SETBP1: variants seen among roughly 807,000 people sequenced by gnomAD.
SETBP1 encodes SET binding protein 1.
Under a neutral mutation model 101.0 loss-of-function variants are expected in SETBP1, and 9 were observed. The observed-to-expected ratio is 0.09, with a 90% confidence interval of 0.05 to 0.16. The LOEUF is 0.16. Ranked by LOEUF, SETBP1 falls within the 10% of genes least tolerant of loss-of-function variation. The pLI, the probability that SETBP1 is intolerant of heterozygous loss-of-function variation, is 1.00. For synonymous variants in SETBP1, 818 were observed against 788.5 expected (o/e 1.04, Z -0.63); for missense variants, 1,858 against 2,033.8 (o/e 0.91, Z 1.66).
chr18:44,887,002 G>C (rs2069664460), intron 3 of SETBP1, among the ~76,000 whole-genome samples: 1 of 152,072 alleles, frequency 6.6e-6, no homozygotes, highest in Non-Finnish European at 1.5e-5. Flanking sequence ...GTAAATTAGT[G>C]AGTAGTGTCA....
intron 3 of SETBP1, among the ~76,000 whole-genome samples, chr18:44,881,188 C>A (rs2069522519): frequency 6.6e-6 from 1 of 152,168 alleles, no homozygotes; most frequent in Admixed American, 6.5e-5. Flanking sequence ...ACTTGTCACT[C>A]ACCATGATTT....
intron 2 of SETBP1, among the ~76,000 whole-genome samples, chr18:44,735,392 G>T (rs1417604106): frequency 6.6e-6 from 1 of 152,164 alleles, no homozygotes; most frequent in African/African-American, 2.4e-5. Context: ...CTTGTAGTTA[G>T]AGATCTGAAC....
chr18:45,043,741 C>T (rs553699717), intron 5 of SETBP1, among the ~76,000 whole-genome samples: 3 of 152,130 alleles, frequency 2.0e-5, no homozygotes, highest in Non-Finnish European at 2.9e-5. Context: ...AGCCATCAGT[C>T]GAATCAGAAC....
At chr18:44,877,458 T>A in intron 3 of SETBP1, 1 of 818,934 alleles carries the variant, frequency 1.2e-6, no homozygotes, top group Non-Finnish European at 1.5e-6. Flanking sequence ...ATGTGAATAT[T>A]TGTAATAGGA....
At chr18:44,997,547 T>G (rs992213850) in intron 4 of SETBP1, among the ~76,000 whole-genome samples, 2 of 152,208 alleles carry the variant, frequency 1.3e-5, no homozygotes, top group African/African-American at 4.8e-5. Context: ...ATTCTTGAGA[T>G]CTAAAGATCG....
At chr18:44,876,847 T>G in intron 3 of SETBP1, 2 of 1,424,730 alleles carry the variant, frequency 1.4e-6, no homozygotes, top group Non-Finnish European at 1.8e-6. Context: ...AACTAGTGAG[T>G]GACAGCATTT....
chr18:44,972,321 C>G (rs1164066360), intron 4 of SETBP1, among the ~76,000 whole-genome samples: 1 of 152,112 alleles, frequency 6.6e-6, no homozygotes, highest in Non-Finnish European at 1.5e-5. Flanking sequence ...ATGCCTCCAG[C>G]TTTGTTCTTT....
chr18:44,837,184 G>C (rs1199090264), intron 2 of SETBP1, among the ~76,000 whole-genome samples: 1 of 152,168 alleles, frequency 6.6e-6, no homozygotes, highest in East Asian at 1.9e-4. Flanking sequence ...TCTTTGCTAT[G>C]CACTCCTTTT....
chr18:44,854,758 T>C lies in SETBP1; in HGVS notation c.487-14472T>C, dbSNP rs117729367. Among the ~76,000 whole-genome samples, 181 of 152,314 alleles carry C rather than the reference T, an allele frequency of 1.2e-3. 1 individual carries two copies. In the East Asian group the frequency reaches 0.032, roughly 27 times the overall value. On this transcript the variant is annotated intron_variant, in intron 2 of 5. Coordinates refer to ENST00000649279, the MANE Select transcript of SETBP1 (RefSeq NM_015559.3). The stretch of plus-strand genomic sequence containing the variant: ...CACTTTTTTTCAGTGTATCTCAAAT[T>C]GTGCCCCACATTGGTTTTTCTCCTC...
chr18:44,971,851 C>A (rs1239593160), intron 4 of SETBP1, among the ~76,000 whole-genome samples: 2 of 152,106 alleles, frequency 1.3e-5, no homozygotes, highest in Non-Finnish European at 2.9e-5. Context: ...ATGGTAGTTT[C>A]TTTTGCTGTG....
intron 2 of SETBP1, among the ~76,000 whole-genome samples, chr18:44,737,071 T>C (rs1370659410): frequency 2.0e-5 from 3 of 152,232 alleles, no homozygotes; most frequent in African/African-American, 7.2e-5. Flanking sequence ...ATGAATGATA[T>C]TGAGGTCTAA....
intron 4 of SETBP1, among the ~76,000 whole-genome samples, chr18:45,000,105 G>T (rs955845306): frequency 1.3e-5 from 2 of 152,206 alleles, no homozygotes; most frequent in Non-Finnish European, 2.9e-5. Flanking sequence ...CTCCTCATTG[G>T]CATGAATGCC....
At chr18:44,712,933 A>T (rs147701641) in intron 2 of SETBP1, among the ~76,000 whole-genome samples, 1 of 146,420 alleles carries the variant, frequency 6.8e-6, no homozygotes, top group Admixed American at 6.9e-5. Context: ...GCCTCTGAGC[A>T]TTTCTCTTTC....
Position 44,762,661 on chromosome 18 carries a change from C to T in SETBP1, c.486+60829C>T, listed in dbSNP as rs2070680509. The stretch of plus-strand genomic sequence containing the variant: ...AGGCTGGGAATGTGGGAGTGGTACC[C>T]AGGGAAGGAAAGGCAATGCAAGCCC... On this transcript the variant is annotated intron_variant, in intron 2 of 5. Coordinates refer to ENST00000649279, the MANE Select transcript of SETBP1 (RefSeq NM_015559.3). Among the ~76,000 whole-genome samples, 10 of 152,254 alleles carry T rather than the reference C, an allele frequency of 6.6e-5. 1 individual carries two copies. In the South Asian group the frequency reaches 2.1e-3, roughly 32 times the overall value.
At chr18:44,746,189 G>A (rs1427839842) in intron 2 of SETBP1, among the ~76,000 whole-genome samples, 4 of 152,198 alleles carry the variant, frequency 2.6e-5, no homozygotes, top group African/African-American at 9.7e-5. Flanking sequence ...AGATGACAGA[G>A]GTGGAAAGGG....
chr18:44,885,853 AAAAC>A (rs1207619515), intron 3 of SETBP1, among the ~76,000 whole-genome samples: 1,256 of 43,594 alleles, frequency 0.029, 70 homozygotes, highest in African/African-American at 0.12. Flanking sequence ...AAAAAAAAAA[AAAAC>A]AAAAAAAAAA....
At chr18:44,813,312 G>A (rs2071903581) in intron 2 of SETBP1, among the ~76,000 whole-genome samples, 1 of 152,174 alleles carries the variant, frequency 6.6e-6, no homozygotes, top group Admixed American at 6.5e-5. Context: ...AAAAACTTCT[G>A]GCTGTTTCCT....
intron 3 of SETBP1, among the ~76,000 whole-genome samples, chr18:44,894,094 T>TA (rs1290418948): frequency 6.6e-6 from 1 of 151,970 alleles, no homozygotes; most frequent in African/African-American, 2.4e-5. Flanking sequence ...AGGGCTGAAA[T>TA]AAAAAACAAA....
At chr18:44,787,427 A>G (rs145520032) in intron 2 of SETBP1, among the ~76,000 whole-genome samples, 2 of 152,318 alleles carry the variant, frequency 1.3e-5, no homozygotes, top group Non-Finnish European at 1.5e-5. Context: ...TGAATGAACT[A>G]TTGTGGTAAA....
Sources: allele counts gnomAD v4.1 joint callset (sites outside exome capture counted in the v4.1 genomes callset), GRCh38; gene constraint gnomAD v4.1.1; transcripts MANE v1.5; gene names NCBI Gene and HGNC (gene_info 2026-07-23, HGNC 2026-07-21).